LRRC7: variants seen among roughly 807,000 people sequenced by gnomAD.
LRRC7 encodes leucine-rich repeat-containing protein 7.
In LRRC7, 23 loss-of-function variants were observed where a neutral mutation model predicts 175.7. The ratio of observed to expected loss-of-function variants is 0.13; its 90% confidence interval spans 0.09 to 0.19. The LOEUF (loss-of-function observed/expected upper bound fraction) is 0.19. LRRC7 is among the 10% of genes least tolerant of loss of function. The pLI, the probability that LRRC7 is intolerant of heterozygous loss-of-function variation, is 1.00. For missense variants in LRRC7, 1,354 were observed against 1,904.7 expected (o/e 0.71, Z 5.38); for synonymous variants, 685 against 680.9 (o/e 1.01, Z -0.09).
intron 23 of LRRC7, among the ~76,000 whole-genome samples, chr1:70,073,770 T>C (rs1662567358): frequency 1.3e-5 from 2 of 152,194 alleles, no homozygotes; most frequent in Non-Finnish European, 2.9e-5. Context: ...GAAGCAGATA[T>C]AAACTTAAAA....
At chr1:69,774,781 GA>G (rs1205666224) in intron 3 of LRRC7, among the ~76,000 whole-genome samples, 1 of 151,992 alleles carries the variant, frequency 6.6e-6, no homozygotes, top group South Asian at 2.1e-4. Context: ...GGAAGATTAG[GA>G]AAAAAACTGA....
At chr1:69,585,132 C>T in intron 1 of LRRC7, among the ~76,000 whole-genome samples, 1 of 152,118 alleles carries the variant, frequency 6.6e-6, no homozygotes, top group East Asian at 1.9e-4. Context: ...TACAAAACTA[C>T]TTCAAAATGA....
chr1:69,970,276 A>G (rs201115525), intron 8 of LRRC7, among the ~76,000 whole-genome samples: 1 of 152,122 alleles, frequency 6.6e-6, no homozygotes, highest in African/African-American at 2.4e-5. Flanking sequence ...GGAAATAACC[A>G]AGATTAGAGC....
rs55900412 is a variant in LRRC7, at chr1:69,943,949, AACACACACAC to A, written c.711+12409_711+12418del. ...TCAGTTCTTATTTTTTATCATGGTA[AACACACACAC>A]ACACACACACACACACACACACACA... On this transcript the variant is annotated intron_variant, in intron 8 of 26. Transcript: ENST00000651989. 1.3e-3 allele frequency among the ~76,000 whole-genome samples: 183 copies of A among 145,500 alleles called. 3 individuals are homozygous for A. In the South Asian group the frequency reaches 0.025, roughly 20 times the overall value.
intron 4 of LRRC7, among the ~76,000 whole-genome samples, chr1:69,794,871 A>C (rs542390930): frequency 6.6e-6 from 1 of 152,324 alleles, no homozygotes; most frequent in African/African-American, 2.4e-5. Context: ...CATCCTTAGA[A>C]GTTTTTGCAA....
chr1:69,983,179 A>G (rs1175072451), intron 9 of LRRC7, among the ~76,000 whole-genome samples: 2 of 152,204 alleles, frequency 1.3e-5, no homozygotes, highest in Non-Finnish European at 2.9e-5. Context: ...CAAGTGACAC[A>G]TTTCCAAGCA....
At chr1:69,711,462 G>A (rs1322406221) in intron 2 of LRRC7, among the ~76,000 whole-genome samples, 2 of 152,116 alleles carry the variant, frequency 1.3e-5, no homozygotes, top group Non-Finnish European at 2.9e-5. Context: ...AAGCATCCTT[G>A]ACATTTCAAA....
rs558298354 is a variant in LRRC7, at chr1:69,608,812, GTCTC to G, written c.2+40223_2+40226del. Among the ~76,000 whole-genome samples, 389 of 91,472 alleles carry G rather than the reference GTCTC, an allele frequency of 4.3e-3. 1 individual carries two copies. The highest frequency in any genetic ancestry group is 9.1e-3 in the African/African-American group (220 of 24,172). 60.0% of individuals were successfully genotyped at this position (91,472 alleles called of 152,430 possible). A position where few individuals can be genotyped will look rare whatever the true frequency, so the allele number is the denominator to read the frequency against. ...GCATCTCCTATAAGTTGCTCTGTCT[GTCTC>G]TCTCTCTCTCTCTCTCTCTCTCTCT... is the stretch of plus-strand genomic sequence containing the variant. On this transcript the variant is annotated intron_variant, in intron 1 of 26. Transcript: ENST00000651989.
chr1:69,643,711 G>A (rs868585178), intron 1 of LRRC7, among the ~76,000 whole-genome samples: 3 of 152,030 alleles, frequency 2.0e-5, no homozygotes, highest in Non-Finnish European at 2.9e-5. Context: ...ATCAGGCTGA[G>A]GGATTAATGT....
chr1:69,778,685 T>TGGCAAAAACAAA (rs1673098133), intron 3 of LRRC7, among the ~76,000 whole-genome samples: 1 of 152,044 alleles, frequency 6.6e-6, no homozygotes, highest in Admixed American at 6.6e-5. Context: ...GGAGTCAGAA[T>TGGCAAAAACAAA]TCAAATCCTG....
intron 15 of LRRC7, among the ~76,000 whole-genome samples, 173 bp downstream of exon 15, chr1:70,018,991 A>C (rs1349502471): frequency 6.6e-6 from 1 of 151,884 alleles, no homozygotes; most frequent in Non-Finnish European, 1.5e-5. Flanking sequence ...CTTATTTTCT[A>C]CTCTATTTTA....
rs138501730 is a variant in LRRC7 at position 69,600,080 on chromosome 1, T to A, written c.2+31439T>A. Among the ~76,000 whole-genome samples the A allele has an allele frequency of 7.5e-4, 114 of 152,254 alleles. 1 individual carries two copies. In the East Asian group the frequency reaches 0.016, roughly 22 times the overall value. On this transcript the variant is annotated intron_variant, in intron 1 of 26. Coordinates refer to ENST00000651989, the MANE Select transcript of LRRC7 (RefSeq NM_001370785.2). ...TCAGGCAAAACAATTCTTAAAAAAA[T>A]TTATTAAATTTTATTTTAAAATACA...
intron 8 of LRRC7, among the ~76,000 whole-genome samples, chr1:69,969,227 A>C (rs1040151596): frequency 3.9e-5 from 6 of 152,162 alleles, no homozygotes; most frequent in Non-Finnish European, 7.3e-5. Context: ...AAAACAAAAA[A>C]CCAACGTATA....
intron 1 of LRRC7, among the ~76,000 whole-genome samples, chr1:69,650,539 C>CAAAAAAAAAAAAAAAAAAAAAAAAAAA (rs574357981): frequency 4.8e-4 from 38 of 79,128 alleles, no homozygotes; most frequent in Middle Eastern, 7.5e-3. Flanking sequence ...GACTCCGTCT[C>CAAAAAAAAAAAAAAAAAAAAAAAAAAA]AAAAAAAAAA....
chr1:70,082,986 T>C (rs1296379713), intron 24 of LRRC7, among the ~76,000 whole-genome samples: 1 of 151,632 alleles, frequency 6.6e-6, no homozygotes, highest in Non-Finnish European at 1.5e-5. Flanking sequence ...AGTTTCGCCA[T>C]GTTGGCCAGG....
At chr1:69,848,001 G>T (rs1343338723) in intron 7 of LRRC7, among the ~76,000 whole-genome samples, 2 of 151,992 alleles carry the variant, frequency 1.3e-5, no homozygotes, top group Non-Finnish European at 2.9e-5. Flanking sequence ...AATATACAAT[G>T]CACCTTTATA....
chr1:69,698,988 T>A (rs1360170561), intron 2 of LRRC7, among the ~76,000 whole-genome samples: 2 of 152,172 alleles, frequency 1.3e-5, no homozygotes, highest in Admixed American at 6.5e-5. Flanking sequence ...GCCTTCTCTC[T>A]GACTTCTTTG....
intron 24 of LRRC7, among the ~76,000 whole-genome samples, chr1:70,083,109 T>G (rs907422219): frequency 1.3e-5 from 2 of 152,096 alleles, no homozygotes; most frequent in African/African-American, 2.4e-5. Flanking sequence ...TTGGAAAGAT[T>G]TAACTAGGAA....
chr1:70,112,147 A>G (rs1665566760), intron 26 of LRRC7, among the ~76,000 whole-genome samples: 1 of 152,216 alleles, frequency 6.6e-6, no homozygotes, highest in Non-Finnish European at 1.5e-5. Flanking sequence ...TGGCCCAACA[A>G]TTCATATAGA....
Sources: allele counts gnomAD v4.1 joint callset (sites outside exome capture counted in the v4.1 genomes callset), GRCh38; gene constraint gnomAD v4.1.1; transcripts MANE v1.5; gene names NCBI Gene and HGNC (gene_info 2026-07-23, HGNC 2026-07-21).